Variants in AKAP6 observed in about 807,000 individuals in gnomAD.
The protein encoded by AKAP6 is A-kinase anchoring protein 6.
Under a neutral mutation model 188.5 loss-of-function variants are expected in AKAP6, and 58 were observed. That is an observed-to-expected ratio of 0.31 (90% CI 0.25 to 0.38). AKAP6 has a LOEUF of 0.38. AKAP6 is among the 10% of genes least tolerant of loss of function. The pLI is 1.00. For missense variants in AKAP6, 2,710 were observed against 2,740.0 expected, an observed-to-expected ratio of 0.99 and a Z score of 0.24; for synonymous variants, 989 against 998.6, an observed-to-expected ratio of 0.99 and a Z score of 0.18.
chr14:32,560,152 T>C (rs568865004), intron 4 of AKAP6, among the ~76,000 whole-genome samples: 130 of 152,232 alleles, frequency 8.5e-4, no homozygotes, highest in Middle Eastern at 3.4e-3. Context: ...CAAATCCAGT[T>C]TGGGAATTCT....
At chr14:32,569,352 G>A (rs1411651179) in intron 4 of AKAP6, among the ~76,000 whole-genome samples, 1 of 152,160 alleles carries the variant, frequency 6.6e-6, no homozygotes, top group African/African-American at 2.4e-5. Flanking sequence ...AGTCAACACT[G>A]ACTGAAACCA....
Position 32,822,405 on chromosome 14 carries a change from G to C in AKAP6, c.4592G>C (p.Ser1531Thr), listed in dbSNP as rs2034550899. The change falls in exon 13 of 14, where the codon AGT (serine) becomes ACT (threonine). Residue 1531 changes from serine (S) to threonine (T), a missense_variant. Transcript: ENST00000280979. ...CCTCCCCATGAAAGGATTTTGGCAA[G>C]TGCATCTCATGAAATGGATCGCATT... ...DVPPHERILASASHEMDRISY... is the reference protein window; with the variant it reads ...DVPPHERILATASHEMDRISY... 1 of 1,614,026 alleles carries C rather than the reference G, an allele frequency of 6.2e-7. No individual in the cohort carries two copies. The highest frequency in any genetic ancestry group is 1.3e-5 in the African/African-American group (1 of 75,040).
At position 32,462,918 on chromosome 14, in the gene AKAP6, A is replaced by AC. The variant is rs1373064066; in HGVS notation, c.324+29101_324+29102insC. ...ATGGAAAGCAAAAAAAAAAAAAAAA[A>AC]AAAAAAAACCCGGGGTTGCAATCCT... On this transcript the variant is annotated intron_variant, in intron 2 of 13. Transcript: ENST00000280979. 1.7e-3 allele frequency among the ~76,000 whole-genome samples: 241 copies of AC among 145,432 alleles called. 5 individuals carry two copies. Among genetic ancestry groups the AC allele is most frequent in the African/African-American group, 5.5e-3 (211 of 38,596 alleles).
At chr14:32,700,282 A>G (rs1452697664) in intron 9 of AKAP6, among the ~76,000 whole-genome samples, 3 of 152,200 alleles carry the variant, frequency 2.0e-5, no homozygotes, top group African/African-American at 4.8e-5. Context: ...TACAGAGCAC[A>G]GATGACAGAT....
intron 1 of AKAP6, among the ~76,000 whole-genome samples, chr14:32,425,621 GGAAGGAGAGGAAT>G (rs1400788300): frequency 1.3e-5 from 2 of 151,396 alleles, no homozygotes; most frequent in African/African-American, 2.4e-5. Context: ...AGGGAAGGAA[GGAAGGAGAGGAAT>G]GAAGGAGAGG....
chr14:32,662,951 AAAGT>A (rs1888766960), intron 7 of AKAP6, among the ~76,000 whole-genome samples: 1 of 152,100 alleles, frequency 6.6e-6, no homozygotes, highest in African/African-American at 2.4e-5. Flanking sequence ...CCTCTTTTAA[AAAGT>A]AAGTGAAATG....
chr14:32,669,121 G>T (rs2139603728), intron 7 of AKAP6, among the ~76,000 whole-genome samples: 1 of 152,208 alleles, frequency 6.6e-6, no homozygotes, highest in South Asian at 2.1e-4. Flanking sequence ...TTCCCTGAGG[G>T]TTGATACTGT....
chr14:32,427,510 G>C (rs10132281), intron 1 of AKAP6, among the ~76,000 whole-genome samples: 1 of 152,072 alleles, frequency 6.6e-6, no homozygotes, highest in Non-Finnish European at 1.5e-5. Context: ...AGGTAGGCAG[G>C]CAGCAAGATT....
chr14:32,708,634 A>AT (rs35424825), intron 9 of AKAP6, among the ~76,000 whole-genome samples: 25 of 151,380 alleles, frequency 1.7e-4, no homozygotes, highest in East Asian at 5.8e-4. Context: ...GCCATTAGTC[A>AT]TTTTTTTTTA....
chr14:32,828,529 TCACACACACACACACA>T (rs55957852), intron 13 of AKAP6, among the ~76,000 whole-genome samples: 2 of 75,954 alleles, frequency 2.6e-5, no homozygotes, highest in Admixed American at 1.3e-4. Flanking sequence ...TCTCTCTCTC[TCACACACACACACACA>T]CACACACACA....
At chr14:32,377,511 G>A (rs939586312) in intron 1 of AKAP6, among the ~76,000 whole-genome samples, 1 of 147,834 alleles carries the variant, frequency 6.8e-6, no homozygotes, top group African/African-American at 2.5e-5. Flanking sequence ...GTACGTGCAT[G>A]AGAGAGAGAG....
chr14:32,478,407 C>T (rs566467239), intron 2 of AKAP6, among the ~76,000 whole-genome samples: 68 of 152,240 alleles, frequency 4.5e-4, no homozygotes, highest in South Asian at 1.2e-3. Flanking sequence ...AGGAGAATTC[C>T]AAGCTCCAAC....
intron 10 of AKAP6, among the ~76,000 whole-genome samples, chr14:32,735,254 T>A (rs1566675410): frequency 6.6e-6 from 1 of 152,154 alleles, no homozygotes. Context: ...TCCTGGACAT[T>A]TTATGTGGAG....
rs779867395 is a variant in AKAP6, at chr14:32,615,591, C to CTTTTTTTTTTTTTTTT, written c.2730+14806_2730+14821dup. On this transcript the variant is annotated intron_variant, in intron 7 of 13. Coordinates refer to ENST00000280979, the MANE Select transcript of AKAP6 (RefSeq NM_004274.5). ...TGTTTCCCCCAATGCTAAACCATTA[C>CTTTTTTTTTTTTTTTT]TTTTTTTTTTTTTTTTTTTTTTGAG... is the stretch of plus-strand genomic sequence containing the variant. Among the ~76,000 whole-genome samples, 33 of 115,264 alleles carry CTTTTTTTTTTTTTTTT rather than the reference C, an allele frequency of 2.9e-4. 2 individuals carry two copies. The highest frequency in any genetic ancestry group is 1.2e-3 in the African/African-American group (30 of 26,052). The allele number at this position is 115,264 out of a possible 152,430, so 75.6% of individuals were successfully genotyped here.
intron 7 of AKAP6, among the ~76,000 whole-genome samples, chr14:32,606,042 C>G (rs1014251980): frequency 2.0e-5 from 3 of 152,098 alleles, no homozygotes; most frequent in African/African-American, 7.2e-5. Context: ...GACTCAGCAG[C>G]ATACCTTATT....
chr14:32,657,289 T>C (rs1483517950), intron 7 of AKAP6, among the ~76,000 whole-genome samples: 1 of 152,162 alleles, frequency 6.6e-6, no homozygotes, highest in East Asian at 1.9e-4. Flanking sequence ...GCTGACCCTG[T>C]AGTGGCTGTG....
Position 32,822,990 on chromosome 14 carries a change from T to C in AKAP6, c.5177T>C (p.Val1726Ala). The change falls in exon 13 of 14, where the codon GTG (valine) becomes GCG (alanine). Residue 1726 changes from valine (V) to alanine (A), a missense_variant. Around this residue, in one of 2 missense-constraint regions of AKAP6, gnomAD observed 2,473 missense variants for 2,426.1 expected, o/e 1.02. Coordinates refer to ENST00000280979, the MANE Select transcript of AKAP6 (RefSeq NM_004274.5). ...ASFRKRLTRS[V>A]ADESDVNVSM... The stretch of plus-strand genomic sequence containing the variant: ...TTCAGGAAGCGTCTGACTCGTTCAG[T>C]GGCTGATGAAAGCGATGTCAATGTC... 4 of 1,613,928 alleles carry C rather than the reference T, an allele frequency of 2.5e-6. No individual in the cohort carries two copies. Among genetic ancestry groups the C allele is most frequent in the Non-Finnish European group, 3.4e-6 (4 of 1,179,908 alleles).
intron 1 of AKAP6, among the ~76,000 whole-genome samples, chr14:32,394,699 T>G (rs1445044806): frequency 6.6e-6 from 1 of 152,198 alleles, no homozygotes; most frequent in Non-Finnish European, 1.5e-5. Context: ...TGCATGTGTC[T>G]GTTTTTACTG....
intron 7 of AKAP6, among the ~76,000 whole-genome samples, chr14:32,603,687 T>C (rs1029234592): frequency 2.6e-5 from 4 of 152,192 alleles, no homozygotes. Flanking sequence ...TGTTGCATTG[T>C]TACTTATAAT....
Sources: allele counts gnomAD v4.1 joint callset (sites outside exome capture counted in the v4.1 genomes callset), GRCh38; gene constraint gnomAD v4.1.1; regional missense constraint gnomAD v4.1.1; transcripts MANE v1.5; gene names NCBI Gene and HGNC (gene_info 2026-07-23, HGNC 2026-07-21).